The following SLIT3 variants were observed in gnomAD, a reference collection of about 807,000 sequenced individuals.
SLIT3 encodes slit homolog 3 protein.
SLIT3 carries 68 observed loss-of-function variants against 184.0 expected under a neutral mutation model. That is an observed-to-expected ratio of 0.37 (90% confidence interval 0.30 to 0.45). The LOEUF (loss-of-function observed/expected upper bound fraction) is 0.45, where lower values mean the gene tolerates loss of function less well. Ranked by LOEUF, SLIT3 falls within the 20% of genes least tolerant of loss-of-function variation. The pLI, the probability that SLIT3 is intolerant of heterozygous loss-of-function variation, is 1.00. For missense variants in SLIT3, 1,707 were observed against 2,026.0 expected, an observed-to-expected ratio of 0.84 and a Z score of 3.02; for synonymous variants, 831 against 828.6, an observed-to-expected ratio of 1.00 and a Z score of -0.05.
intron 3 of SLIT3, among the ~76,000 whole-genome samples, chr5:169,229,895 TG>T (rs1315278134): frequency 6.6e-6 from 1 of 152,010 alleles, no homozygotes; most frequent in Non-Finnish European, 1.5e-5. Flanking sequence ...TAAGAGAAGG[TG>T]AGAAATTCGA....
intron 1 of SLIT3, among the ~76,000 whole-genome samples, chr5:169,294,486 A>G (rs900963720): frequency 6.6e-6 from 1 of 152,266 alleles, no homozygotes; most frequent in African/African-American, 2.4e-5. Flanking sequence ...GGCCTAGCCA[A>G]GAGGGTATTG....
intron 4 of SLIT3, among the ~76,000 whole-genome samples, chr5:169,166,678 C>T (rs1025785253): frequency 1.4e-4 from 21 of 152,156 alleles, no homozygotes; most frequent in African/African-American, 4.3e-4. Flanking sequence ...ATGCTACAGG[C>T]CTCATTGTTT....
intron 4 of SLIT3, among the ~76,000 whole-genome samples, chr5:168,907,895 CAT>C (rs557118585): frequency 0.018 from 1,466 of 82,156 alleles, 29 homozygotes; most frequent in African/African-American, 0.054. Context: ...TGATATATAT[CAT>C]ATATATATAG....
chr5:169,108,596 G>GGTCTT (rs1175223184), intron 4 of SLIT3, among the ~76,000 whole-genome samples: 1 of 152,122 alleles, frequency 6.6e-6, no homozygotes, highest in Non-Finnish European at 1.5e-5. Flanking sequence ...TAACCCTTGA[G>GGTCTT]GTCTTGAGGA....
At chr5:168,925,742 T>C (rs960442048) in intron 4 of SLIT3, among the ~76,000 whole-genome samples, 2 of 151,618 alleles carry the variant, frequency 1.3e-5, no homozygotes, top group African/African-American at 4.9e-5. Flanking sequence ...GAGGGTGAGG[T>C]GCTCTAGGTT....
At chr5:168,686,876 C>G in intron 30 of SLIT3, 103 bp downstream of exon 30, 2 of 1,418,432 alleles carry the variant, frequency 1.4e-6, no homozygotes, top group Non-Finnish European at 2.0e-6. Context: ...GGGGCTACAG[C>G]CACCTGGGCC....
chr5:168,804,143 C>T (rs1756868276), intron 9 of SLIT3, among the ~76,000 whole-genome samples: 1 of 151,478 alleles, frequency 6.6e-6, no homozygotes, highest in Non-Finnish European at 1.5e-5. Flanking sequence ...CCCGTCTCTA[C>T]TAAAAGTACA....
chr5:168,801,349 G>T (rs1756760316), intron 9 of SLIT3, among the ~76,000 whole-genome samples: 1 of 152,180 alleles, frequency 6.6e-6, no homozygotes, highest in Non-Finnish European at 1.5e-5. Context: ...ACCCCCTGGT[G>T]GCTGGTAAGA....
chr5:168,892,113 T>G lies in SLIT3; in HGVS notation c.414-8777A>C, dbSNP rs773104247. Among the ~76,000 whole-genome samples the G allele has an allele frequency of 4.2e-4, 64 of 152,322 alleles. 1 individual carries two copies. The highest frequency in any genetic ancestry group is 2.2e-3 in the Admixed American group (34 of 15,300). On this transcript the variant is annotated intron_variant, in intron 4 of 35. Transcript: ENST00000519560. ...ACGGAAATATATCACAAGCCAAGAATGCAATTTAAAATTTTCTATTAGCCA... is the reference window on the plus strand; with the variant it reads ...ACGGAAATATATCACAAGCCAAGAAGGCAATTTAAAATTTTCTATTAGCCA...
At chr5:168,906,101 A>G (rs1732437140) in intron 4 of SLIT3, among the ~76,000 whole-genome samples, 1 of 152,158 alleles carries the variant, frequency 6.6e-6, no homozygotes, top group African/African-American at 2.4e-5. Context: ...GTTTTTTCAT[A>G]AGGAAGAGAT....
At chr5:169,279,138 CAA>C (rs1225623397) in intron 1 of SLIT3, among the ~76,000 whole-genome samples, 4 of 152,132 alleles carry the variant, frequency 2.6e-5, no homozygotes, top group Admixed American at 6.5e-5. Context: ...TTGAAAATAT[CAA>C]AGTCCCGTGA....
intron 3 of SLIT3, among the ~76,000 whole-genome samples, chr5:169,220,587 AAGAC>A (rs1764587171): frequency 6.6e-6 from 1 of 152,070 alleles, no homozygotes; most frequent in Non-Finnish European, 1.5e-5. Context: ...AAGCATATAA[AAGAC>A]AGACGACAAT....
intron 4 of SLIT3, among the ~76,000 whole-genome samples, chr5:168,916,087 CAATGTCTGTAATTTAA>C (rs1446104299): frequency 6.6e-6 from 1 of 152,130 alleles, no homozygotes; most frequent in Non-Finnish European, 1.5e-5. Context: ...TAAAGTATAA[CAATGTCTGTAATTTAA>C]AATGGCAAAA....
intron 4 of SLIT3, among the ~76,000 whole-genome samples, chr5:169,132,434 T>C (rs113353826): frequency 4.6e-5 from 7 of 152,212 alleles, no homozygotes; most frequent in African/African-American, 1.4e-4. Context: ...AAAATGAACA[T>C]ACAACTATTA....
intron 20 of SLIT3, among the ~76,000 whole-genome samples, chr5:168,732,639 C>T (rs1763322389): frequency 6.6e-6 from 1 of 152,044 alleles, no homozygotes; most frequent in Non-Finnish European, 1.5e-5. Flanking sequence ...ATCAATGGTA[C>T]AGAACAGAGA....
intron 4 of SLIT3, among the ~76,000 whole-genome samples, chr5:169,154,601 T>A (rs1762238090): frequency 6.6e-6 from 1 of 152,236 alleles, no homozygotes; most frequent in Non-Finnish European, 1.5e-5. Flanking sequence ...CTGTGCAAAC[T>A]CGAACATGTT....
chr5:169,065,753 T>C (rs1561640817), intron 4 of SLIT3, among the ~76,000 whole-genome samples: 1 of 152,208 alleles, frequency 6.6e-6, no homozygotes, highest in Non-Finnish European at 1.5e-5. Flanking sequence ...GGAAGGCTTC[T>C]TCCCAACATA....
At chr5:168,773,198 T>G (rs1446960257) in intron 13 of SLIT3, among the ~76,000 whole-genome samples, 1 of 152,152 alleles carries the variant, frequency 6.6e-6, no homozygotes, top group Non-Finnish European at 1.5e-5. Flanking sequence ...CTCTTCCCAC[T>G]TGGGGCAAGA....
At chr5:168,990,662 T>C (rs1755287314) in intron 4 of SLIT3, among the ~76,000 whole-genome samples, 1 of 151,976 alleles carries the variant, frequency 6.6e-6, no homozygotes, top group Non-Finnish European at 1.5e-5. Flanking sequence ...CAGCCAGGGG[T>C]CTTCAAACTC....
Sources: allele counts gnomAD v4.1 joint callset (sites outside exome capture counted in the v4.1 genomes callset), GRCh38; gene constraint gnomAD v4.1.1; transcripts MANE v1.5; gene names NCBI Gene and HGNC (gene_info 2026-07-23, HGNC 2026-07-21).